ADK: variants seen among roughly 807,000 people sequenced by gnomAD.
ADK encodes the protein N6,N6-dimethyladenosine kinase.
A neutral mutation model predicts 44.7 loss-of-function variants in ADK; 24 were observed. That is an observed-to-expected ratio of 0.54 (90% CI 0.39 to 0.76). The LOEUF (loss-of-function observed/expected upper bound fraction) is 0.76, where lower values mean the gene tolerates loss of function less well. Among genes scored for constraint, ADK ranks in the 30% least tolerant of loss-of-function variants. The pLI, the probability that ADK is intolerant of heterozygous loss-of-function variation, is 0.00. For missense variants in ADK, 321 were observed against 425.1 expected (o/e 0.76, Z 2.15); for synonymous variants, 128 against 142.6 (o/e 0.90, Z 0.73).
intron 1 of ADK, among the ~76,000 whole-genome samples, chr10:74,166,674 G>A (rs146827461): frequency 0.023 from 3,037 of 130,104 alleles, 45 homozygotes; most frequent in Admixed American, 0.041. Flanking sequence ...GTGACAAAGT[G>A]AGACTCCGTC....
chr10:74,586,098 G>A (rs932466266), intron 7 of ADK, among the ~76,000 whole-genome samples: 1 of 152,094 alleles, frequency 6.6e-6, no homozygotes, highest in Admixed American at 6.6e-5. Context: ...CCCCCGTGTT[G>A]TTTTGTTTGT....
intron 7 of ADK, chr10:74,527,996 CA>C (rs1206736473): frequency 6.2e-6 from 5 of 811,794 alleles, no homozygotes; most frequent in Admixed American, 5.8e-5. Context: ...AAGGCACCTG[CA>C]AGAAAAAAGC....
At chr10:74,532,729 C>T (rs1230400437) in intron 7 of ADK, among the ~76,000 whole-genome samples, 4 of 151,432 alleles carry the variant, frequency 2.6e-5, no homozygotes, top group South Asian at 2.1e-4. Flanking sequence ...GGCAAAACCG[C>T]GTCTCTACTA....
At chr10:74,549,639 G>A (rs979554664) in intron 7 of ADK, among the ~76,000 whole-genome samples, 1 of 151,908 alleles carries the variant, frequency 6.6e-6, no homozygotes, top group Non-Finnish European at 1.5e-5. Flanking sequence ...GTTTTGCCAT[G>A]TTGCCCAGGC....
intron 6 of ADK, among the ~76,000 whole-genome samples, chr10:74,511,865 C>T (rs1425866482): frequency 6.6e-6 from 1 of 152,116 alleles, no homozygotes; most frequent in African/African-American, 2.4e-5. Context: ...GAGAGGGCAT[C>T]ATTGTCTGTT....
At chr10:74,333,570 C>T (rs1841299750) in intron 4 of ADK, among the ~76,000 whole-genome samples, 1 of 152,010 alleles carries the variant, frequency 6.6e-6, no homozygotes, top group Non-Finnish European at 1.5e-5. Context: ...GAGTTAATAT[C>T]CATGGTGGGG....
chr10:74,460,516 A>G (rs1190751769), intron 6 of ADK, among the ~76,000 whole-genome samples: 2 of 152,198 alleles, frequency 1.3e-5, no homozygotes, highest in Non-Finnish European at 2.9e-5. Flanking sequence ...TAACTTCATT[A>G]ATTTTTTACA....
chr10:74,500,289 C>T (rs1207728345), intron 6 of ADK, among the ~76,000 whole-genome samples: 1 of 152,212 alleles, frequency 6.6e-6, no homozygotes, highest in Non-Finnish European at 1.5e-5. Context: ...TTTTCCCCCA[C>T]TCCAGTCAAG....
chr10:74,601,975 C>T (rs1852146018), intron 9 of ADK, among the ~76,000 whole-genome samples: 2 of 149,468 alleles, frequency 1.3e-5, no homozygotes, highest in South Asian at 4.3e-4. Flanking sequence ...AGTAGTGGCA[C>T]ATGCCCATAG....
chr10:74,235,441 C>CT (rs1465901458), intron 3 of ADK, among the ~76,000 whole-genome samples: 1 of 152,058 alleles, frequency 6.6e-6, no homozygotes, highest in Non-Finnish European at 1.5e-5. Context: ...GTAGCTGGGA[C>CT]TACAGGTATG....
intron 1 of ADK, among the ~76,000 whole-genome samples, chr10:74,163,466 T>C (rs1057131723): frequency 3.9e-5 from 6 of 152,234 alleles, no homozygotes; most frequent in Admixed American, 2.0e-4. Context: ...CTGTTTGCAG[T>C]GTAATTAGAA....
chr10:74,397,348 AATG>A (rs1843555007), intron 5 of ADK, among the ~76,000 whole-genome samples: 3 of 152,050 alleles, frequency 2.0e-5, no homozygotes, highest in African/African-American at 7.2e-5. Context: ...CAAAGTCTGA[AATG>A]ATAAGATTTT....
chr10:74,322,378 A>C (rs1840844205), intron 4 of ADK, among the ~76,000 whole-genome samples: 1 of 152,212 alleles, frequency 6.6e-6, no homozygotes, highest in African/African-American at 2.4e-5. Context: ...TCATTGAAGA[A>C]AGTAGTAAGT....
chr10:74,470,266 C>T (rs968524758), intron 6 of ADK, among the ~76,000 whole-genome samples: 3 of 152,072 alleles, frequency 2.0e-5, no homozygotes, highest in African/African-American at 7.2e-5. Context: ...CTCAGGTGAT[C>T]CGCCTTCCTT....
chr10:74,400,737 C>G (rs1465329904), intron 6 of ADK, among the ~76,000 whole-genome samples: 1 of 152,134 alleles, frequency 6.6e-6, no homozygotes, highest in Non-Finnish European at 1.5e-5. Context: ...TGTTTTTGAT[C>G]TAAGGAAGCA....
At chr10:74,235,707 A>G (rs1386266375) in intron 3 of ADK, among the ~76,000 whole-genome samples, 4 of 152,156 alleles carry the variant, frequency 2.6e-5, no homozygotes, top group African/African-American at 4.8e-5. Context: ...TTTTACCACC[A>G]CTTTTTCTCC....
intron 4 of ADK, among the ~76,000 whole-genome samples, chr10:74,370,012 TAGA>T (rs1293928189): frequency 1.3e-5 from 2 of 152,158 alleles, no homozygotes; most frequent in African/African-American, 4.8e-5. Context: ...TAAAATTTAA[TAGA>T]AGAAATATTT....
At chr10:74,402,664 T>C (rs1387750957) in intron 6 of ADK, among the ~76,000 whole-genome samples, 1 of 152,208 alleles carries the variant, frequency 6.6e-6, no homozygotes, top group African/African-American at 2.4e-5. Context: ...TTGAAGGTTT[T>C]TAGCTTCTTT....
chr10:74,189,949 A>G (rs1468498610), intron 1 of ADK, among the ~76,000 whole-genome samples: 1 of 152,156 alleles, frequency 6.6e-6, no homozygotes, highest in African/African-American at 2.4e-5. Flanking sequence ...TATGACTGAA[A>G]TAATATTTCA....
Sources: allele counts gnomAD v4.1 joint callset (sites outside exome capture counted in the v4.1 genomes callset), GRCh38; gene constraint gnomAD v4.1.1; transcripts MANE v1.5; gene names NCBI Gene and HGNC (gene_info 2026-07-23, HGNC 2026-07-21).